PDK4: variants seen among roughly 807,000 people sequenced by gnomAD.
The protein encoded by PDK4 is pyruvate dehydrogenase kinase, isozyme 4.
In PDK4, 43 loss-of-function variants were observed where a neutral mutation model predicts 51.7. The ratio of observed to expected loss-of-function variants is 0.83; its 90% CI spans 0.65 to 1.07. The LOEUF (loss-of-function observed/expected upper bound fraction) is 1.07, where lower values mean the gene tolerates loss of function less well. Among genes scored for constraint, PDK4 ranks in the 50% least tolerant of loss-of-function variants. PDK4 has a pLI of 0.00. For missense variants in PDK4, 498 were observed against 503.5 expected, an observed-to-expected ratio of 0.99 and a Z score of 0.10; for synonymous variants, 170 against 176.6, an observed-to-expected ratio of 0.96 and a Z score of 0.30.
At chr7:95,592,429 T>C (rs1584123634) in intron 5 of PDK4, 82 bp downstream of exon 5, 4 of 822,550 alleles carry the variant, frequency 4.9e-6, no homozygotes, top group Non-Finnish European at 8.4e-6. Context: ...ATAAATTCAT[T>C]CACAGAGTCA....
chr7:95,596,515 T>G lies in PDK4; in HGVS notation c.-222A>C. ...GTGGTTCGAGATTCAAGTTCAAGTC[T>G]TCCCACCAGCCGCCGCCGCCCGAGG... On this transcript the variant is annotated 5_prime_UTR_variant, in exon 1 of 11. Coordinates refer to ENST00000005178, the MANE Select transcript of PDK4 (RefSeq NM_002612.4). The G allele has an allele frequency of 2.0e-6, 1 of 488,774 alleles. No homozygotes were observed. Among genetic ancestry groups the G allele is most frequent in the Non-Finnish European group, 3.5e-6 (1 of 283,994 alleles). 30.3% of individuals were successfully genotyped at this position (488,774 alleles called of 1,614,324 possible). A position where few individuals can be genotyped will look rare whatever the true frequency, so the allele number is the denominator to read the frequency against.
At chr7:95,594,881 T>A in intron 2 of PDK4, 142 bp downstream of exon 2, 1 of 483,824 alleles carries the variant, frequency 2.1e-6, no homozygotes, top group Non-Finnish European at 3.6e-6. Context: ...TTACCCTAAA[T>A]TAATTTTAAA....
Position 95,589,718 on chromosome 7 carries a change from TA to T in PDK4, c.695-3del. 6.6e-7 allele frequency: 1 copy of T among 1,509,406 alleles called. No homozygotes were observed. Among genetic ancestry groups the T allele is most frequent in the South Asian group, 1.1e-5 (1 of 87,800 alleles). 93.5% of individuals were successfully genotyped at this position (1,509,406 alleles called of 1,614,324 possible). A position where few individuals can be genotyped will look rare whatever the true frequency, so the allele number is the denominator to read the frequency against. ...GAATTGGTTGGTCTGGAAATTTTCC[TA>T]GAAAAATAAAATTCATTAAGAATTT... On this transcript the variant is annotated splice_polypyrimidine_tract_variant and splice_region_variant and intron_variant, in intron 6 of 10. Transcript: ENST00000005178.
In PDK4 at chr7:95,583,871, C is replaced by T. The variant is rs1791445662; in HGVS notation, c.*1770G>A. On this transcript the variant is annotated 3_prime_UTR_variant, in exon 11 of 11. Transcript: ENST00000005178. ...GTAAAAAACTGAAATGACAAATAACCTACTGCAAACTGTTTTGTATAATCA... is the reference window on the plus strand; with the variant it reads ...GTAAAAAACTGAAATGACAAATAACTTACTGCAAACTGTTTTGTATAATCA... The T allele has an allele frequency of 6.6e-6, 1 of 152,306 alleles. No homozygotes were observed. Among genetic ancestry groups the T allele is most frequent in the Non-Finnish European group, 1.5e-5 (1 of 67,986 alleles). 9.4% of individuals were successfully genotyped at this position (152,306 alleles called of 1,614,324 possible). A position where few individuals can be genotyped will look rare whatever the true frequency, so the allele number is the denominator to read the frequency against.
Position 95,584,822 on chromosome 7 carries a change from T to G in PDK4, c.*819A>C, listed in dbSNP as rs951365985. On this transcript the variant is annotated 3_prime_UTR_variant, in exon 11 of 11. Coordinates refer to ENST00000005178, the MANE Select transcript of PDK4 (RefSeq NM_002612.4). ...TATAAACAAAGCAAAGTAAGAGATA[T>G]TTTTGCTGTTACTTTGGCAATTCTC... 2 of 152,656 alleles carry G rather than the reference T, an allele frequency of 1.3e-5. No homozygotes were observed. Among genetic ancestry groups the G allele is most frequent in the Non-Finnish European group, 2.9e-5 (2 of 68,046 alleles). 9.5% of individuals were successfully genotyped at this position (152,656 alleles called of 1,614,324 possible).
intron 3 of PDK4, among the ~76,000 whole-genome samples, chr7:95,593,334 A>C (rs1584124329): frequency 6.6e-6 from 1 of 152,262 alleles, no homozygotes; most frequent in East Asian, 1.9e-4. Flanking sequence ...ATCCTTATTT[A>C]GGTAGCTAGA....
chr7:95,594,875 C>A, intron 2 of PDK4, 148 bp downstream of exon 2: 2 of 458,748 alleles, frequency 4.4e-6, no homozygotes, highest in Non-Finnish European at 3.8e-6. Flanking sequence ...GATAACTTAC[C>A]CTAAATTAAT....
rs768194487 is a variant in PDK4, at chr7:95,587,108, C to A, written c.997G>T (p.Gly333Cys). The change falls in exon 10 of 11, where the codon GGC (glycine) becomes TGC (cysteine). Residue 333 changes from glycine (G) to cysteine (C), a missense_variant. Transcript: ENST00000005178. ...RNAPLAGFGY[G>C]LPISRLYAKY... ...GCATACAGACGAGAAATTGGCAAGCCGTAACCAAAACCAGCCTAGAGAAGA... is the reference window on the plus strand; with the variant it reads ...GCATACAGACGAGAAATTGGCAAGCAGTAACCAAAACCAGCCTAGAGAAGA... The A allele has an allele frequency of 1.2e-6, 2 of 1,609,042 alleles. No homozygotes were observed. The highest frequency in any genetic ancestry group is 1.7e-4 in the Middle Eastern group (1 of 6,056).
intron 6 of PDK4, among the ~76,000 whole-genome samples, chr7:95,590,125 G>A (rs1791533179): frequency 6.6e-6 from 1 of 152,076 alleles, no homozygotes; most frequent in African/African-American, 2.4e-5. Flanking sequence ...TGGAAGAACA[G>A]TGCTATAAAT....
chr7:95,596,478 G>GGT lies in PDK4; in HGVS notation c.-186_-185insAC. 2.0e-6 allele frequency: 1 copy of GGT among 494,350 alleles called. No individual in the cohort carries two copies. Among genetic ancestry groups the GGT allele is most frequent in the Non-Finnish European group, 3.2e-6 (1 of 312,114 alleles). The allele number at this position is 494,350 out of a possible 1,614,324, so 30.6% of individuals were successfully genotyped here. A position where few individuals can be genotyped will look rare whatever the true frequency, so the allele number is the denominator to read the frequency against. On this transcript the variant is annotated 5_prime_UTR_variant, in exon 1 of 11. Coordinates refer to ENST00000005178, the MANE Select transcript of PDK4 (RefSeq NM_002612.4). Reference sequence around the variant, plus strand: ...CCGCGGAGTGAAGAGTCTGGGCAGAGTCGGAGATGCAGTGGTTCGAGATTC... The same window carrying GGT: ...CCGCGGAGTGAAGAGTCTGGGCAGAGGTTCGGAGATGCAGTGGTTCGAGATTC...
rs1326227048 is a variant in PDK4 at position 95,587,528 on chromosome 7, T to C, written c.871A>G (p.Ile291Val). 1 of 1,570,408 alleles carries C rather than the reference T, an allele frequency of 6.4e-7. No homozygotes were observed. The highest frequency in any genetic ancestry group is 2.2e-5 in the East Asian group (1 of 44,672). Residue 291 changes from isoleucine (I) to valine (V), a missense_variant and splice_region_variant, in exon 9 of 11, where the codon ATT becomes GTT. Coordinates refer to ENST00000005178, the MANE Select transcript of PDK4 (RefSeq NM_002612.4). The stretch of plus-strand genomic sequence containing the variant: ...GGAACACCACCTCCTCTGTCTGAAA[T>C]CTAAAACAAACAAACAAGTCATCAA... ...VLGKEDLTIKISDRGGGVPLR... is the reference protein window; with the variant it reads ...VLGKEDLTIKVSDRGGGVPLR...
At chr7:95,591,931 A>C in intron 6 of PDK4, 57 bp downstream of exon 6, 1 of 885,554 alleles carries the variant, frequency 1.1e-6, no homozygotes. Context: ...AAAAGCAATA[A>C]TATTAGGAGA....
Position 95,585,702 on chromosome 7 carries a change from G to C in PDK4, c.1175C>G (p.Ala392Gly). 6.2e-7 allele frequency: 1 copy of C among 1,611,872 alleles called. No individual in the cohort carries two copies. The highest frequency in any genetic ancestry group is 8.5e-7 in the Non-Finnish European group (1 of 1,178,276). Residue 392 changes from alanine (A) to glycine (G), a missense_variant, in exon 11 of 11, where the codon GCT becomes GGT. Transcript: ENST00000005178. The part of the protein sequence containing the change: ...AFKHYQMSSE[A>G]DDWCIPSREP... ...CCTGCTTGGGATACACCAGTCATCA[G>C]CCTCAGAGCTCATCTGATAATGTTT...
chr7:95,590,175 C>G (rs902673022), intron 6 of PDK4, among the ~76,000 whole-genome samples: 2 of 152,154 alleles, frequency 1.3e-5, no homozygotes, highest in Non-Finnish European at 2.9e-5. Flanking sequence ...CATTTTTGTA[C>G]TGCACAATTT....
At position 95,589,696 on chromosome 7, in the gene PDK4, T is replaced by C. The variant is rs755170552; in HGVS notation, c.715A>G (p.Ile239Val). Residue 239 changes from isoleucine (I) to valine (V), a missense_variant, in exon 7 of 11, where the codon ATT becomes GTT. Ile to Val is a conservative substitution (Grantham distance 29). Coordinates refer to ENST00000005178, the MANE Select transcript of PDK4 (RefSeq NM_002612.4). Reference protein sequence around the residue: ...QVNGKFPDQPIHIVYVPSHLH... With the variant: ...QVNGKFPDQPVHIVYVPSHLH... ...TGAGAAGGAACATACACGATGTGAA[T>C]TGGTTGGTCTGGAAATTTTCCTAGA... The C allele has an allele frequency of 6.3e-7, 1 of 1,584,872 alleles. No individual in the cohort carries two copies. Among genetic ancestry groups the C allele is most frequent in the Non-Finnish European group, 8.7e-7 (1 of 1,154,010 alleles).
chr7:95,592,880 C>CT lies in PDK4; in HGVS notation c.408dup (p.Gly137ArgfsTer6), dbSNP rs1444250180. The CT allele has an allele frequency of 6.2e-7, 1 of 1,612,062 alleles. No individual in the cohort carries two copies. The highest frequency in any genetic ancestry group is 2.2e-5 in the East Asian group (1 of 44,820). On this transcript the variant is annotated frameshift_variant, in exon 4 of 11. Transcript: ENST00000005178. LOFTEE classifies it high-confidence loss of function. ...CAGGCATCTTTATACTCTATGATTCCTTGTGCCATTGTAGGGACTACATTA... is the reference window on the plus strand; with the variant it reads ...CAGGCATCTTTATACTCTATGATTCCTTTGTGCCATTGTAGGGACTACATTA...
At chr7:95,589,268 C>T (rs1791522726) in intron 7 of PDK4, among the ~76,000 whole-genome samples, 1 of 152,166 alleles carries the variant, frequency 6.6e-6, no homozygotes. Context: ...AGGAGTAGGA[C>T]CAGCCTGTGG....
rs1188616838 is a variant in PDK4 at position 95,588,866 on chromosome 7, T to C, written c.771+774A>G. 3.3e-5 allele frequency among the ~76,000 whole-genome samples: 5 copies of C among 152,244 alleles called. No individual in the cohort carries two copies. The East Asian group carries it at 9.6e-4, about 29-fold the overall frequency. On this transcript the variant is annotated intron_variant, in intron 7 of 10. Coordinates refer to ENST00000005178, the MANE Select transcript of PDK4 (RefSeq NM_002612.4). ...ACCTGGCTGCCTCAGACCAGTAACA[T>C]CTGTATCCTTTGAGAGCTTGTTAGA...
At chr7:95,593,029 G>GT (rs926452121) in intron 3 of PDK4, 85 bp from the exon 4 acceptor site, 173 of 852,346 alleles carry the variant, frequency 2.0e-4, no homozygotes, top group South Asian at 3.7e-4. Flanking sequence ...GAAGGCTAAA[G>GT]TTTTTTTTGC....
Sources: allele counts gnomAD v4.1 joint callset (sites outside exome capture counted in the v4.1 genomes callset), GRCh38; gene constraint gnomAD v4.1.1; transcripts MANE v1.5; gene names NCBI Gene and HGNC (gene_info 2026-07-23, HGNC 2026-07-21).